Variants in RASA2 observed in about 807,000 individuals in gnomAD.
RASA2 encodes the protein ras GTPase-activating protein 2.
In RASA2, 155 loss-of-function variants were observed where a neutral mutation model predicts 118.2. That is an observed-to-expected ratio of 1.31 (90% CI 1.15 to 1.50). The LOEUF (loss-of-function observed/expected upper bound fraction) is 1.50, where lower values mean the gene tolerates loss of function less well. RASA2 is among the 40% of genes most tolerant of loss of function. The pLI, the probability that RASA2 is intolerant of heterozygous loss-of-function variation, is 0.00. For missense variants in RASA2, 1,016 were observed against 1,009.6 expected, an observed-to-expected ratio of 1.01 and a Z score of -0.09; for synonymous variants, 353 against 349.1, an observed-to-expected ratio of 1.01 and a Z score of -0.12.
intron 3 of RASA2, among the ~76,000 whole-genome samples, chr3:141,518,520 T>C (rs932688688): frequency 9.4e-5 from 9 of 95,994 alleles, no homozygotes; most frequent in Non-Finnish European, 2.0e-4. Flanking sequence ...AAAAAAAAAT[T>C]AAGCGTTGTC....
intron 19 of RASA2, among the ~76,000 whole-genome samples, chr3:141,596,263 T>C (rs2083366409): frequency 6.6e-6 from 1 of 152,194 alleles, no homozygotes; most frequent in African/African-American, 2.4e-5. Context: ...CTAAGTAACC[T>C]ATAGATTGAA....
intron 3 of RASA2, among the ~76,000 whole-genome samples, chr3:141,522,917 A>G (rs2082132052): frequency 6.6e-6 from 1 of 151,552 alleles, no homozygotes. Flanking sequence ...CACTTTCTCC[A>G]TTTTTATTCC....
chr3:141,605,913 C>T lies in RASA2; in HGVS notation c.1934-1765C>T, dbSNP rs527440598. ...GCTTGTCTTCTGGTGTGGGTATTCTCTCCTTCCCTTCTGAGAGTTAGCAGC... is the reference window on the plus strand; with the variant it reads ...GCTTGTCTTCTGGTGTGGGTATTCTTTCCTTCCCTTCTGAGAGTTAGCAGC... On this transcript the variant is annotated intron_variant, in intron 19 of 23. Coordinates refer to ENST00000286364, the MANE Select transcript of RASA2 (RefSeq NM_006506.5). 2.0e-5 allele frequency among the ~76,000 whole-genome samples: 3 copies of T among 152,308 alleles called. No individual in the cohort carries two copies. In the South Asian group the frequency reaches 6.2e-4, roughly 32 times the overall value.
chr3:141,580,555 T>TACACACAC lies in RASA2; in HGVS notation c.1674+120_1674+127dup, dbSNP rs10663136. ...CTTCTTCCAAATTAAAAACAAAACA[T>TACACACAC]ACACACACACACACACACACACAGA... On this transcript the variant is annotated intron_variant, in intron 16 of 23. Coordinates refer to ENST00000286364, the MANE Select transcript of RASA2 (RefSeq NM_006506.5). 4.5e-3 allele frequency: 2,590 copies of TACACACAC among 580,808 alleles called. 17 individuals carry two copies. The highest frequency in any genetic ancestry group is 0.022 in the African/African-American group (1,137 of 50,572). 36.0% of individuals were successfully genotyped at this position (580,808 alleles called of 1,614,324 possible).
At chr3:141,492,096 G>A (rs1386782198) in intron 1 of RASA2, among the ~76,000 whole-genome samples, 1 of 152,206 alleles carries the variant, frequency 6.6e-6, no homozygotes, top group Non-Finnish European at 1.5e-5. Context: ...TCACAGAGCA[G>A]TCTGCTAATC....
In RASA2 at chr3:141,553,930, G is replaced by A; in HGVS notation, c.601G>A (p.Gly201Ser). The A allele has an allele frequency of 1.2e-6, 2 of 1,609,970 alleles. No homozygotes were observed. Among genetic ancestry groups the A allele is most frequent in the Non-Finnish European group, 1.7e-6 (2 of 1,177,872 alleles). ...CDPYATVSLVGPSRNDQKKTK... is the reference protein window; with the variant it reads ...CDPYATVSLVSPSRNDQKKTK... ...CCCTTATGCAACAGTTTCTCTAGTG[G>A]GCCCTTCTAGGTAATATTTATTGAA... The change falls in exon 6 of 24, where the codon GGC (glycine) becomes AGC (serine). Residue 201 changes from glycine (G) to serine (S), a missense_variant. Transcript: ENST00000286364.
intron 19 of RASA2, 188 bp downstream of exon 19, chr3:141,586,940 A>T (rs2083214407): frequency 3.2e-6 from 2 of 624,650 alleles, no homozygotes; most frequent in South Asian, 1.7e-5. Flanking sequence ...TGTTTTTCTC[A>T]CATTAAATTT....
At chr3:141,585,370 A>G (rs1007327760) in intron 17 of RASA2, among the ~76,000 whole-genome samples, 1 of 152,224 alleles carries the variant, frequency 6.6e-6, no homozygotes, top group African/African-American at 2.4e-5. Context: ...ATACCCCTAA[A>G]TGAGTACTTC....
intron 19 of RASA2, chr3:141,590,170 G>A (rs1344587569): frequency 2.2e-6 from 1 of 456,374 alleles, no homozygotes; most frequent in Admixed American, 2.3e-5. Flanking sequence ...GATGACTTGG[G>A]GCTACCATTG....
intron 2 of RASA2, 78 bp from the exon 3 acceptor site, chr3:141,516,250 A>T: frequency 2.1e-6 from 2 of 957,644 alleles, no homozygotes. Flanking sequence ...GAGTATTTAT[A>T]CAATTATTAT....
intron 19 of RASA2, among the ~76,000 whole-genome samples, chr3:141,606,644 G>A (rs532600468): frequency 9.2e-5 from 14 of 151,930 alleles, no homozygotes; most frequent in African/African-American, 3.4e-4. Context: ...TGTCACATTT[G>A]CTTGAATTAC....
At chr3:141,494,840 A>C (rs757543053) in intron 1 of RASA2, among the ~76,000 whole-genome samples, 3 of 152,062 alleles carry the variant, frequency 2.0e-5, no homozygotes, top group Non-Finnish European at 4.4e-5. Flanking sequence ...TTATGCTGTA[A>C]GGAAGTTAGC....
In RASA2 at chr3:141,611,159, T is replaced by G. The variant is rs529119850; in HGVS notation, c.2519+1093T>G. Among the ~76,000 whole-genome samples, 4 of 152,282 alleles carry G rather than the reference T, an allele frequency of 2.6e-5. No homozygotes were observed. The South Asian group carries it at 8.3e-4, about 32-fold the overall frequency. ...CAATAAAACTATTTACTCTTGCAAA[T>G]TAAGTAGTTAACTTCTACAGTTGGT... On this transcript the variant is annotated intron_variant, in intron 23 of 23. Coordinates refer to ENST00000286364, the MANE Select transcript of RASA2 (RefSeq NM_006506.5).
rs553610405 is a variant in RASA2, at chr3:141,612,385, T to C, written c.*72T>C. 3.2e-4 allele frequency: 400 copies of C among 1,267,804 alleles called. 1 individual carries two copies. Among genetic ancestry groups the C allele is most frequent in the Non-Finnish European group, 4.2e-4 (375 of 900,904 alleles). 78.5% of individuals were successfully genotyped at this position (1,267,804 alleles called of 1,614,324 possible). A position where few individuals can be genotyped will look rare whatever the true frequency, so the allele number is the denominator to read the frequency against. ...GGAGCTTTTCAATTCATCATGTATT[T>C]TGTTCATGGTATTTAAGAATGAGCA... On this transcript the variant is annotated 3_prime_UTR_variant, in exon 24 of 24. Transcript: ENST00000286364.
rs113688191 is a variant in RASA2, at chr3:141,499,799, A to G, written c.134-12364A>G. On this transcript the variant is annotated intron_variant, in intron 1 of 23. Transcript: ENST00000286364. ...TTTTTAGTAGAGGCGGCATTTCGCC[A>G]TGTTAGCCAGGATGGTCTCGATCTC... is the stretch of plus-strand genomic sequence containing the variant. Among the ~76,000 whole-genome samples the G allele has an allele frequency of 7.2e-3, 1,092 of 152,266 alleles. 15 individuals are homozygous for G. The highest frequency in any genetic ancestry group is 0.025 in the African/African-American group (1,044 of 41,544).
In RASA2 at chr3:141,608,663, G is replaced by A. The variant is rs2083587144; in HGVS notation, c.2191G>A (p.Gly731Ser). Reference sequence around the variant, plus strand: ...AAATTGGCTCTGCTGTCAGGAGACTGGTGAAAACACTCTCGGCTGCAAGCC... The same window carrying A: ...AAATTGGCTCTGCTGTCAGGAGACTAGTGAAAACACTCTCGGCTGCAAGCC... ...NGNWLCCQET[G>S]ENTLGCKPCT... Residue 731 changes from glycine (G) to serine (S), a missense_variant, in exon 21 of 24, where the codon GGT becomes AGT. Transcript: ENST00000286364. 1 of 1,613,896 alleles carries A rather than the reference G, an allele frequency of 6.2e-7. No homozygotes were observed. The highest frequency in any genetic ancestry group is 8.5e-7 in the Non-Finnish European group (1 of 1,179,884).
intron 1 of RASA2, among the ~76,000 whole-genome samples, chr3:141,496,721 T>C (rs1398409286): frequency 6.6e-6 from 1 of 152,228 alleles, no homozygotes; most frequent in Non-Finnish European, 1.5e-5. Flanking sequence ...TTGGTGGGAC[T>C]GTAAACTAGT....
intron 11 of RASA2, among the ~76,000 whole-genome samples, chr3:141,572,061 T>C (rs4683611): frequency 0.13 from 12,703 of 98,066 alleles, 918 homozygotes; most frequent in East Asian, 0.39. Flanking sequence ...TATATATATA[T>C]ACACACACAC....
At chr3:141,495,960 T>C (rs2081696120) in intron 1 of RASA2, among the ~76,000 whole-genome samples, 1 of 152,252 alleles carries the variant, frequency 6.6e-6, no homozygotes, top group South Asian at 2.1e-4. Context: ...ATGTGTAGTA[T>C]CCTGTGTATT....
Sources: gnomAD v4.1 joint callset for allele counts (sites outside exome capture counted in the v4.1 genomes callset) on GRCh38, gnomAD v4.1.1 for gene constraint, MANE v1.5 for transcripts, NCBI Gene and HGNC (gene_info 2026-07-23, HGNC 2026-07-21) for gene names.